Variants in KPNA1 observed in about 807,000 individuals in gnomAD.
The protein encoded by KPNA1 is importin subunit alpha-5.
In KPNA1, 10 loss-of-function variants were observed where a neutral mutation model predicts 70.5. The ratio of observed to expected loss-of-function variants is 0.14; its 90% confidence interval spans 0.09 to 0.24. The LOEUF is 0.24. Ranked by LOEUF, KPNA1 falls within the 10% of genes least tolerant of loss-of-function variation. The pLI, the probability that KPNA1 is intolerant of heterozygous loss-of-function variation, is 1.00. For synonymous variants in KPNA1, 192 were observed against 221.9 expected (o/e 0.87, Z 1.20); for missense variants, 397 against 637.9 (o/e 0.62, Z 4.07).
intron 2 of KPNA1, among the ~76,000 whole-genome samples, chr3:122,481,741 T>C (rs2076573512): frequency 6.6e-6 from 1 of 152,200 alleles, no homozygotes; most frequent in Non-Finnish European, 1.5e-5. Context: ...CTGGAGTGAC[T>C]GTATTGTAAT....
At chr3:122,485,070 CTGT>C (rs1363486307) in intron 2 of KPNA1, among the ~76,000 whole-genome samples, 1 of 151,932 alleles carries the variant, frequency 6.6e-6, no homozygotes, top group Non-Finnish European at 1.5e-5. Context: ...GTTGTTGTTG[CTGT>C]TGTTGTTGTT....
intron 5 of KPNA1, chr3:122,457,928 TC>T: frequency 5.9e-6 from 7 of 1,187,170 alleles, no homozygotes; most frequent in Middle Eastern, 6.4e-4. Flanking sequence ...AGTGCCTGAG[TC>T]ATCTGAGCAA....
intron 5 of KPNA1, 125 bp downstream of exon 5, chr3:122,461,099 C>A: frequency 1.8e-6 from 1 of 548,800 alleles, no homozygotes; most frequent in South Asian, 3.3e-5. Flanking sequence ...ATGTAGTTGT[C>A]AGGAATATCA....
At position 122,504,911 on chromosome 3, in the gene KPNA1, C is replaced by CT. The variant is rs372328991; in HGVS notation, c.-5-8342dup. On this transcript the variant is annotated intron_variant, in intron 1 of 13. Coordinates refer to ENST00000344337, the MANE Select transcript of KPNA1 (RefSeq NM_002264.4). ...TACATTTGTTCTGTTGGGAGAGACT[C>CT]TTTTTTTTTTTAAACACAAGCCTCA... 5.3e-4 allele frequency among the ~76,000 whole-genome samples: 75 copies of CT among 141,776 alleles called. 1 individual carries two copies. Among genetic ancestry groups the CT allele is most frequent in the South Asian group, 3.3e-3 (15 of 4,612 alleles). The allele number at this position is 141,776 out of a possible 152,430, so 93.0% of individuals were successfully genotyped here. A position where few individuals can be genotyped will look rare whatever the true frequency, so the allele number is the denominator to read the frequency against.
chr3:122,423,963 A>G lies in KPNA1; in HGVS notation c.*3022T>C, dbSNP rs547074651. The stretch of plus-strand genomic sequence containing the variant: ...TCAATTAGTTACAGGAACATGAAAG[A>G]AAGTGTTCCACAGAGAACTGTGTCT... On this transcript the variant is annotated 3_prime_UTR_variant, in exon 14 of 14. Coordinates refer to ENST00000344337, the MANE Select transcript of KPNA1 (RefSeq NM_002264.4). The G allele has an allele frequency of 1.5e-4, 23 of 152,208 alleles. No individual in the cohort carries two copies. The highest frequency in any genetic ancestry group is 2.9e-4 in the Non-Finnish European group (20 of 68,030). 9.4% of individuals were successfully genotyped at this position (152,208 alleles called of 1,614,324 possible).
At chr3:122,470,219 G>A (rs1338683991) in intron 2 of KPNA1, among the ~76,000 whole-genome samples, 2 of 152,130 alleles carry the variant, frequency 1.3e-5, no homozygotes, top group Admixed American at 6.5e-5. Flanking sequence ...TTCTGTATAA[G>A]CTAAATAAGT....
intron 8 of KPNA1, among the ~76,000 whole-genome samples, chr3:122,450,510 A>G (rs2076187953): frequency 6.6e-6 from 1 of 152,200 alleles, no homozygotes; most frequent in South Asian, 2.1e-4. Flanking sequence ...TGAACCTAGG[A>G]GGCAGAGGTT....
In KPNA1 at chr3:122,424,413, A is replaced by G. The variant is rs1275096650; in HGVS notation, c.*2572T>C. The G allele has an allele frequency of 6.6e-6, 1 of 152,186 alleles. No homozygotes were observed. Among genetic ancestry groups the G allele is most frequent in the Non-Finnish European group, 1.5e-5 (1 of 68,030 alleles). 9.4% of individuals were successfully genotyped at this position (152,186 alleles called of 1,614,324 possible). A position where few individuals can be genotyped will look rare whatever the true frequency, so the allele number is the denominator to read the frequency against. The stretch of plus-strand genomic sequence containing the variant: ...CTGCTTCAGTACCAAGTTCCAACAT[A>G]TCTGAGTTATGCTACTTCACTTTTA... On this transcript the variant is annotated 3_prime_UTR_variant, in exon 14 of 14. Transcript: ENST00000344337.
chr3:122,451,675 G>A (rs968980609), intron 7 of KPNA1, 42 bp from the exon 8 acceptor site: 5 of 1,241,140 alleles, frequency 4.0e-6, no homozygotes, highest in Non-Finnish European at 5.9e-6. Context: ...GTAACAGACA[G>A]TGATTATCTG....
At chr3:122,449,493 CCATT>C (rs1195466464) in intron 9 of KPNA1, 77 bp downstream of exon 9, 13 of 1,089,560 alleles carry the variant, frequency 1.2e-5, no homozygotes, top group Non-Finnish European at 1.7e-5. Flanking sequence ...CATGTACAAT[CCATT>C]AATATTTAAG....
intron 11 of KPNA1, among the ~76,000 whole-genome samples, chr3:122,435,640 T>C (rs944800921): frequency 5.9e-5 from 9 of 152,236 alleles, no homozygotes; most frequent in South Asian, 2.1e-4. Flanking sequence ...GAAGATTTCA[T>C]GGACATTTAT....
chr3:122,510,197 A>G (rs1186488804), intron 1 of KPNA1, among the ~76,000 whole-genome samples: 1 of 152,212 alleles, frequency 6.6e-6, no homozygotes, highest in African/African-American at 2.4e-5. Flanking sequence ...TTTGTTTTCC[A>G]TGTATCCTTT....
At chr3:122,488,930 G>A (rs2076662161) in intron 2 of KPNA1, among the ~76,000 whole-genome samples, 1 of 152,010 alleles carries the variant, frequency 6.6e-6, no homozygotes, top group South Asian at 2.1e-4. Flanking sequence ...ATTATAAAAG[G>A]TTTTCGGCCA....
Position 122,476,259 on chromosome 3 carries a change from C to T in KPNA1, c.130-8830G>A, listed in dbSNP as rs562090342. Among the ~76,000 whole-genome samples the T allele has an allele frequency of 4.6e-5, 7 of 152,254 alleles. No homozygotes were observed. The South Asian group carries it at 1.5e-3, about 32-fold the overall frequency. The stretch of plus-strand genomic sequence containing the variant: ...CATGTGCACAAGAAAGAAACTGAAC[C>T]TTTATCCCACACCATAAACAAAAAT... On this transcript the variant is annotated intron_variant, in intron 2 of 13. Transcript: ENST00000344337.
chr3:122,508,500 G>A (rs573350823), intron 1 of KPNA1, among the ~76,000 whole-genome samples: 42 of 152,282 alleles, frequency 2.8e-4, no homozygotes, highest in African/African-American at 8.7e-4. Flanking sequence ...CCCTTCAAAT[G>A]GGTGCTCCAA....
intron 2 of KPNA1, among the ~76,000 whole-genome samples, chr3:122,481,436 G>A (rs1169581662): frequency 6.6e-6 from 1 of 152,200 alleles, no homozygotes; most frequent in Middle Eastern, 3.2e-3. Context: ...CACATATACT[G>A]TATGATTCCA....
chr3:122,467,006 C>CATAAATAA (rs71136571), intron 3 of KPNA1, among the ~76,000 whole-genome samples: 506 of 142,044 alleles, frequency 3.6e-3, no homozygotes, highest in African/African-American at 5.8e-3. Flanking sequence ...GTCTCTAAAA[C>CATAAATAA]ATAAATAAAT....
chr3:122,500,043 G>A (rs980750086), intron 1 of KPNA1, among the ~76,000 whole-genome samples: 3 of 152,116 alleles, frequency 2.0e-5, no homozygotes, highest in South Asian at 4.1e-4. Context: ...GTCAGTTTTG[G>A]TAGTTTTTGT....
At chr3:122,436,778 T>A (rs547966134) in intron 11 of KPNA1, among the ~76,000 whole-genome samples, 2 of 152,134 alleles carry the variant, frequency 1.3e-5, no homozygotes, top group African/African-American at 4.8e-5. Flanking sequence ...GAAAACGATA[T>A]ACGTTTTATT....
Sources: gnomAD v4.1 joint callset for allele counts (sites outside exome capture counted in the v4.1 genomes callset) on GRCh38, gnomAD v4.1.1 for gene constraint, MANE v1.5 for transcripts, NCBI Gene and HGNC (gene_info 2026-07-23, HGNC 2026-07-21) for gene names.